The following MRTFB variants were observed in gnomAD, a reference collection of about 807,000 sequenced individuals.
MRTFB encodes myocardin-related transcription factor B.
In MRTFB, 29 loss-of-function variants were observed where a neutral mutation model predicts 104.2. The observed-to-expected ratio is 0.28, with a 90% CI of 0.21 to 0.38. The LOEUF is 0.38. MRTFB is among the 10% of genes least tolerant of loss of function. The pLI, the probability that MRTFB is intolerant of heterozygous loss-of-function variation, is 1.00. For missense variants in MRTFB, 1,270 were observed against 1,341.6 expected (o/e 0.95, Z 0.83); for synonymous variants, 535 against 519.5 (o/e 1.03, Z -0.41).
intron 1 of MRTFB, among the ~76,000 whole-genome samples, chr16:14,075,128 T>C (rs1445672174): frequency 6.6e-6 from 1 of 152,226 alleles, no homozygotes; most frequent in East Asian, 1.9e-4. Flanking sequence ...GTTTAAGAAA[T>C]ATATTTGAAA....
intron 3 of MRTFB, among the ~76,000 whole-genome samples, chr16:14,153,875 A>G (rs1385686632): frequency 6.6e-6 from 1 of 152,166 alleles, no homozygotes; most frequent in Non-Finnish European, 1.5e-5. Flanking sequence ...TGTTCTACCA[A>G]TTAGAGAGTA....
the MRTFB span, among the ~76,000 whole-genome samples, chr16:14,039,230 T>C: frequency 6.6e-6 from 1 of 152,210 alleles, no homozygotes; most frequent in Non-Finnish European, 1.5e-5. Context: ...CTCAGCTCCT[T>C]ATCATATGGG....
chr16:14,154,347 T>C (rs544057931), intron 3 of MRTFB, among the ~76,000 whole-genome samples: 3 of 152,224 alleles, frequency 2.0e-5, no homozygotes, highest in East Asian at 3.9e-4. Flanking sequence ...TTTGAAAAAT[T>C]TTTTAAATGT....
chr16:14,255,351 CAG>C (rs1401312887), intron 15 of MRTFB, among the ~76,000 whole-genome samples: 1 of 152,176 alleles, frequency 6.6e-6, no homozygotes, highest in African/African-American at 2.4e-5. Context: ...GTTGACAAGA[CAG>C]AGAAAATCTT....
At chr16:14,023,622 T>C in the MRTFB span, among the ~76,000 whole-genome samples, 9 of 58,942 alleles carry the variant, frequency 1.5e-4, no homozygotes, top group African/African-American at 4.8e-4. Flanking sequence ...TACATATACA[T>C]ATACATATAC....
At chr16:14,233,292 G>A (rs1406028326) in intron 8 of MRTFB, among the ~76,000 whole-genome samples, 1 of 152,200 alleles carries the variant, frequency 6.6e-6, no homozygotes, top group Non-Finnish European at 1.5e-5. Flanking sequence ...GCAAGAAATG[G>A]GGGAATATGG....
chr16:14,182,472 A>G (rs978153525), intron 3 of MRTFB, among the ~76,000 whole-genome samples: 2 of 152,256 alleles, frequency 1.3e-5, no homozygotes, highest in African/African-American at 4.8e-5. Context: ...TTTTCAATAC[A>G]TATAAATAAA....
chr16:14,039,842 G>A, the MRTFB span, among the ~76,000 whole-genome samples: 3,421 of 150,038 alleles, frequency 0.023, 126 homozygotes, highest in African/African-American at 0.08. Flanking sequence ...TCCGCCTCCC[G>A]GGTTCAAGTG....
the MRTFB span, among the ~76,000 whole-genome samples, chr16:13,997,608 A>G: frequency 6.6e-6 from 1 of 150,626 alleles, no homozygotes; most frequent in African/African-American, 2.5e-5. Flanking sequence ...AGCCTGGGTA[A>G]CACAGTGAGA....
In MRTFB at chr16:14,217,131, T is replaced by C. The variant is rs1246286247; in HGVS notation, c.358T>C (p.Phe120Leu). ...LVRMHILEET[F>L]AEPSLQATQM... ...AACTGTGTTTCCTCTTTTAGAAACA[T>C]TTGCAGAGCCATCCCTGCAGGCTAC... is the stretch of plus-strand genomic sequence containing the variant. The change falls in exon 7 of 17, where the codon TTT becomes CTT. Residue 120 changes from phenylalanine to leucine, a missense_variant. Phe to Leu is a conservative substitution (Grantham distance 22, BLOSUM62 0). Coordinates refer to ENST00000571589, the MANE Select transcript of MRTFB (RefSeq NM_001308142.2). The C allele has an allele frequency of 1.2e-6, 2 of 1,605,452 alleles. No individual in the cohort carries two copies. Among genetic ancestry groups the C allele is most frequent in the African/African-American group, 1.3e-5 (1 of 74,576 alleles).
chr16:14,212,503 ATGTC>A, intron 5 of MRTFB, 94 bp downstream of exon 5: 3 of 1,084,284 alleles, frequency 2.8e-6, no homozygotes, highest in Admixed American at 2.0e-5. Context: ...ACTCCTAAAT[ATGTC>A]AATAGAGAAA....
chr16:14,233,928 T>G (rs1597332141), intron 8 of MRTFB, among the ~76,000 whole-genome samples: 1 of 152,310 alleles, frequency 6.6e-6, no homozygotes, highest in East Asian at 1.9e-4. Flanking sequence ...CTACCTTACT[T>G]GGCTTTAGTT....
At position 14,246,554 on chromosome 16, in the gene MRTFB, C is replaced by T. The variant is rs114837780; in HGVS notation, c.1294C>T (p.Pro432Ser). 6.2e-6 allele frequency: 10 copies of T among 1,614,192 alleles called. No individual in the cohort carries two copies. The East Asian group carries it at 1.1e-4, about 18-fold the overall frequency. ...TKPDLIERLK[P>S]YQEVNSSGLA... ...ACCGGACCTCATTGAGCGCCTAAAA[C>T]CCTACCAGGAAGTGAACAGCAGCGG... The change falls in exon 12 of 17, where the codon CCC becomes TCC. Residue 432 changes from proline to serine, a missense_variant. By Grantham distance (74) the Pro-to-Ser change is moderately conservative. Around this residue, in one of 3 missense-constraint regions of MRTFB, gnomAD observed 1,144 missense variants for 1,131.5 expected, o/e 1.01. Transcript: ENST00000571589.
At chr16:14,075,453 C>T (rs956047424) in intron 1 of MRTFB, among the ~76,000 whole-genome samples, 1 of 152,200 alleles carries the variant, frequency 6.6e-6, no homozygotes, top group African/African-American at 2.4e-5. Flanking sequence ...GGGCAATGCA[C>T]GTGAACATAT....
At chr16:14,251,376 CA>C (rs776143724) in intron 13 of MRTFB, among the ~76,000 whole-genome samples, 4,621 of 44,658 alleles carry the variant, frequency 0.1, 43 homozygotes, top group African/African-American at 0.21. Flanking sequence ...GACTCCGTCT[CA>C]AAAAAAAAAA....
chr16:14,189,008 A>C (rs2040061294), intron 3 of MRTFB, among the ~76,000 whole-genome samples: 1 of 152,196 alleles, frequency 6.6e-6, no homozygotes, highest in Non-Finnish European at 1.5e-5. Flanking sequence ...CTGTAGTTGC[A>C]CTGAACTGGG....
chr16:14,015,939 G>A, the MRTFB span: 1 of 398,708 alleles, frequency 2.5e-6, no homozygotes, highest in Non-Finnish European at 4.4e-6. Flanking sequence ...TATGCATCCA[G>A]AGACTAGGCT....
chr16:14,043,166 T>G, the MRTFB span, among the ~76,000 whole-genome samples: 1 of 152,210 alleles, frequency 6.6e-6, no homozygotes, highest in South Asian at 2.1e-4. Context: ...TCTTCCTTCT[T>G]GACTATGGTG....
chr16:14,054,137 C>T, the MRTFB span, among the ~76,000 whole-genome samples: 18 of 152,278 alleles, frequency 1.2e-4, no homozygotes, highest in East Asian at 1.9e-3. Context: ...GGGCTTTGCG[C>T]GTGCTGTTCC....
Sources: gnomAD v4.1 joint callset for allele counts (sites outside exome capture counted in the v4.1 genomes callset) on GRCh38, gnomAD v4.1.1 for gene constraint, gnomAD v4.1.1 regional missense constraint, MANE v1.5 for transcripts, NCBI Gene and HGNC (gene_info 2026-07-23, HGNC 2026-07-21) for gene names.